The following KCNJ6 variants were observed in gnomAD, a reference collection of about 807,000 sequenced individuals.
The protein encoded by KCNJ6 is potassium inwardly rectifying channel subfamily J member 6.
A neutral mutation model predicts 34.2 loss-of-function variants in KCNJ6; 9 were observed. The observed-to-expected ratio is 0.26, with a 90% CI of 0.16 to 0.46. KCNJ6 has a LOEUF of 0.46. Among genes scored for constraint, KCNJ6 ranks in the 20% least tolerant of loss-of-function variants. The pLI, the probability that KCNJ6 is intolerant of heterozygous loss-of-function variation, is 1.00. For missense variants in KCNJ6, 236 were observed against 531.3 expected, an observed-to-expected ratio of 0.44 and a Z score of 5.46; for synonymous variants, 196 against 207.1, an observed-to-expected ratio of 0.95 and a Z score of 0.46.
intron 2 of KCNJ6, among the ~76,000 whole-genome samples, chr21:37,837,833 T>A (rs992352459): frequency 2.0e-5 from 3 of 152,224 alleles, no homozygotes; most frequent in Admixed American, 2.0e-4. Flanking sequence ...CCTAATTATG[T>A]ATTTCATTGT....
chr21:37,876,383 C>A (rs2055678267), intron 1 of KCNJ6, among the ~76,000 whole-genome samples: 1 of 152,134 alleles, frequency 6.6e-6, no homozygotes, highest in African/African-American at 2.4e-5. Flanking sequence ...GTAGTCTGAT[C>A]CCTAGAGAAG....
chr21:37,663,192 G>T (rs2054498049), intron 3 of KCNJ6, among the ~76,000 whole-genome samples: 1 of 151,964 alleles, frequency 6.6e-6, no homozygotes, highest in Non-Finnish European at 1.5e-5. Context: ...GACGATGATG[G>T]GTATTGAATT....
intron 3 of KCNJ6, among the ~76,000 whole-genome samples, chr21:37,683,297 G>A (rs1248212467): frequency 1.3e-5 from 2 of 152,166 alleles, no homozygotes; most frequent in Non-Finnish European, 2.9e-5. Context: ...GACAGAAATG[G>A]CCCTGGTTAC....
At chr21:37,662,782 C>CT (rs1329878551) in intron 3 of KCNJ6, among the ~76,000 whole-genome samples, 1 of 151,998 alleles carries the variant, frequency 6.6e-6, no homozygotes, top group Non-Finnish European at 1.5e-5. Flanking sequence ...TATTTCTTGA[C>CT]TTTTTTATAA....
intron 2 of KCNJ6, among the ~76,000 whole-genome samples, chr21:37,788,226 CT>C (rs2055200888): frequency 6.6e-6 from 1 of 152,108 alleles, no homozygotes; most frequent in Non-Finnish European, 1.5e-5. Context: ...TCATTCTTGC[CT>C]TGATGAAAGG....
intron 2 of KCNJ6, among the ~76,000 whole-genome samples, chr21:37,746,409 G>C (rs1254586322): frequency 6.6e-6 from 1 of 152,168 alleles, no homozygotes; most frequent in African/African-American, 2.4e-5. Flanking sequence ...GTGATCTGGG[G>C]TTGCTTTGGG....
At chr21:37,727,605 C>T (rs1047934879) in intron 2 of KCNJ6, among the ~76,000 whole-genome samples, 1 of 151,852 alleles carries the variant, frequency 6.6e-6, no homozygotes, top group Non-Finnish European at 1.5e-5. Flanking sequence ...GAGGGAGAGC[C>T]GGTTATAAGG....
chr21:37,683,210 T>G (rs1036030897), intron 3 of KCNJ6, among the ~76,000 whole-genome samples: 1 of 152,132 alleles, frequency 6.6e-6, no homozygotes, highest in African/African-American at 2.4e-5. Flanking sequence ...AATTCACACA[T>G]AAGCACAAAG....
At chr21:37,743,908 A>T (rs1380399851) in intron 2 of KCNJ6, among the ~76,000 whole-genome samples, 1 of 151,992 alleles carries the variant, frequency 6.6e-6, no homozygotes, top group Non-Finnish European at 1.5e-5. Context: ...CTCCATTATC[A>T]TACCTCCTAT....
At chr21:37,662,492 T>C (rs2054494246) in intron 3 of KCNJ6, among the ~76,000 whole-genome samples, 1 of 152,260 alleles carries the variant, frequency 6.6e-6, no homozygotes, top group African/African-American at 2.4e-5. Context: ...GTACCACATT[T>C]GCTTTATCCA....
intron 2 of KCNJ6, among the ~76,000 whole-genome samples, chr21:37,791,880 G>A (rs537048071): frequency 9.9e-5 from 15 of 152,222 alleles, no homozygotes; most frequent in South Asian, 2.1e-4. Flanking sequence ...TCAAATCAGC[G>A]TACTTGGAAT....
chr21:37,881,454 C>G (rs1278760568), intron 1 of KCNJ6, among the ~76,000 whole-genome samples: 2 of 142,196 alleles, frequency 1.4e-5, no homozygotes, highest in Non-Finnish European at 3.0e-5. Flanking sequence ...CTTCACTTGG[C>G]CTTTCCTCTC....
chr21:37,656,148 C>T (rs755354261), intron 3 of KCNJ6, among the ~76,000 whole-genome samples: 8 of 152,194 alleles, frequency 5.3e-5, no homozygotes, highest in Admixed American at 1.3e-4. Flanking sequence ...ATGATACACC[C>T]CTGCTCCACA....
At chr21:37,734,516 A>G (rs966572048) in intron 2 of KCNJ6, among the ~76,000 whole-genome samples, 19 of 152,040 alleles carry the variant, frequency 1.2e-4, no homozygotes, top group African/African-American at 3.9e-4. Flanking sequence ...GCATTTGTCA[A>G]TTTTTGTGGT....
intron 1 of KCNJ6, among the ~76,000 whole-genome samples, chr21:37,843,920 C>T (rs1256584193): frequency 6.6e-6 from 1 of 152,184 alleles, no homozygotes; most frequent in African/African-American, 2.4e-5. Context: ...TTTCTATGTT[C>T]TTTCTTCGAG....
intron 2 of KCNJ6, among the ~76,000 whole-genome samples, chr21:37,813,295 T>C (rs2055331551): frequency 6.6e-6 from 1 of 152,206 alleles, no homozygotes; most frequent in Non-Finnish European, 1.5e-5. Flanking sequence ...TGTTCATGGA[T>C]TGGAAGAATC....
chr21:37,769,908 A>G (rs780679386), intron 2 of KCNJ6, among the ~76,000 whole-genome samples: 1 of 152,120 alleles, frequency 6.6e-6, no homozygotes, highest in Non-Finnish European at 1.5e-5. Context: ...CCCTCCAGAG[A>G]AAGCATCTTG....
chr21:37,912,480 CTTTG>C (rs1458391199), intron 1 of KCNJ6, among the ~76,000 whole-genome samples: 2 of 152,154 alleles, frequency 1.3e-5, no homozygotes, highest in African/African-American at 4.8e-5. Context: ...AAATACATTA[CTTTG>C]TTTATCTAAC....
At chr21:37,857,961 A>G (rs753822328) in intron 1 of KCNJ6, among the ~76,000 whole-genome samples, 1 of 152,230 alleles carries the variant, frequency 6.6e-6, no homozygotes, top group Non-Finnish European at 1.5e-5. Context: ...AAGATAGAGC[A>G]AAATAAAAAG....
Sources: allele counts gnomAD v4.1 joint callset (sites outside exome capture counted in the v4.1 genomes callset), GRCh38; gene constraint gnomAD v4.1.1; transcripts MANE v1.5; gene names NCBI Gene and HGNC (gene_info 2026-07-23, HGNC 2026-07-21).